ANKRD11: variants seen among roughly 807,000 people sequenced by gnomAD.
ANKRD11 encodes ankyrin repeat domain-containing protein 11.
ANKRD11 carries 17 observed loss-of-function variants against 195.7 expected under a neutral mutation model. The observed-to-expected ratio is 0.09, with a 90% confidence interval of 0.06 to 0.13. The LOEUF is 0.13. Ranked by LOEUF, ANKRD11 falls within the 10% of genes least tolerant of loss-of-function variation. The probability of loss-of-function intolerance (pLI) is 1.00; values close to 1 mark genes in which losing one functional copy is unlikely to be tolerated. For missense variants in ANKRD11, 3,735 were observed against 3,566.1 expected (o/e 1.05, Z -1.21); for synonymous variants, 1,953 against 1,528.1 (o/e 1.28, Z -6.49).
Position 89,325,604 on chromosome 16 carries a change from G to A in ANKRD11, c.-59-8526C>T, listed in dbSNP as rs992823535. Among the ~76,000 whole-genome samples the A allele has an allele frequency of 8.5e-5, 13 of 152,368 alleles. No homozygotes were observed. The East Asian group carries it at 1.2e-3, about 14-fold the overall frequency. On this transcript the variant is annotated intron_variant, in intron 2 of 12. Transcript: ENST00000301030. ...TTAGTTGACAAGACATCCGCGAAGC[G>A]TGGAAAATGGCTGCCTGGCGGATGG... is the stretch of plus-strand genomic sequence containing the variant.
chr16:89,279,878 C>T lies in ANKRD11; in HGVS notation c.6664G>A (p.Glu2222Lys). The change falls in exon 9 of 13, where the codon GAG becomes AAG. Residue 2222 changes from glutamate to lysine, a missense_variant. Glu to Lys is a moderately conservative substitution (Grantham distance 56). Transcript: ENST00000301030. This position sits in a 1 kb window ranked among gnomAD's most constrained non-coding sequence, Gnocchi z 5.6. ...CTCTCTTCCGGCACCGTCTCCGCCT[C>T]CACCGCAGCTTCTAGAGCCACGTCC... is the stretch of plus-strand genomic sequence containing the variant. Reference protein sequence around the residue: ...KLDVALEAAVEAETVPEERAR... With the variant: ...KLDVALEAAVKAETVPEERAR... 3 of 1,587,624 alleles carry T rather than the reference C, an allele frequency of 1.9e-6. No individual in the cohort carries two copies. Among genetic ancestry groups the T allele is most frequent in the Non-Finnish European group, 2.6e-6 (3 of 1,168,492 alleles).
rs538412983 is a variant in ANKRD11 at position 89,285,324 on chromosome 16, G to A, written c.1218C>T (p.Ile406=). 2 of 1,614,000 alleles carry A rather than the reference G, an allele frequency of 1.2e-6. No homozygotes were observed. Among genetic ancestry groups the A allele is most frequent in the Non-Finnish European group, 1.7e-6 (2 of 1,180,044 alleles). ...CCTCCTCGTCCGACGTGTCTGACAG[G>A]ATACGATGGGACGCTTTCTTTGGTG... The part of the protein sequence containing the change: ...TIAPKKASHR[I]LSDTSDEEDA... The change falls in exon 9 of 13, where the codon ATC becomes ATT. Residue 406 remains isoleucine, a synonymous_variant. Coordinates refer to ENST00000301030, the MANE Select transcript of ANKRD11 (RefSeq NM_013275.6). The surrounding 1 kb of genome is among the most constrained non-coding windows in gnomAD (Gnocchi z 5.6).
At chr16:89,428,680 A>G (rs1293642901) in intron 1 of ANKRD11, among the ~76,000 whole-genome samples, 2 of 150,950 alleles carry the variant, frequency 1.3e-5, no homozygotes, top group East Asian at 2.0e-4. Context: ...TGGATCACGA[A>G]GTCAGGAGTT....
chr16:89,415,839 A>AAAAAAAAAAAAAAAAAAC (rs1567774118), intron 2 of ANKRD11, among the ~76,000 whole-genome samples: 5 of 143,810 alleles, frequency 3.5e-5, no homozygotes, highest in Admixed American at 7.1e-5. Context: ...CAAAAAAAAA[A>AAAAAAAAAAAAAAAAAAC]AAAAAAAAAA....
Position 89,282,856 on chromosome 16 carries a change from G to A in ANKRD11, c.3686C>T (p.Thr1229Met), listed in dbSNP as rs775494693. 1.7e-5 allele frequency: 27 copies of A among 1,612,122 alleles called. No homozygotes were observed. In the Admixed American group the frequency reaches 2.5e-4, roughly 15 times the overall value. The change falls in exon 9 of 13, where the codon ACG (threonine) becomes ATG (methionine). Residue 1229 changes from threonine (T) to methionine (M), a missense_variant. Transcript: ENST00000301030. ...CTTCTGTTTATTTTTCTTATCTTGC[G>A]TGGAGTCCACTGAGGCTCTGTCCTT... is the stretch of plus-strand genomic sequence containing the variant. ...DRKDRASVDS[T>M]QDKKNKQKLP...
intron 2 of ANKRD11, among the ~76,000 whole-genome samples, chr16:89,345,123 T>A (rs2152009482): frequency 6.6e-6 from 1 of 151,908 alleles, no homozygotes; most frequent in East Asian, 1.9e-4. Flanking sequence ...CACTAAAATC[T>A]GGGAGCATCC....
intron 4 of ANKRD11, chr16:89,300,716 A>C: frequency 1.9e-6 from 1 of 539,050 alleles, no homozygotes. Flanking sequence ...ACGTCAGGAA[A>C]AGACTGAAGG....
At chr16:89,448,712 G>T (rs74033796) in intron 1 of ANKRD11, among the ~76,000 whole-genome samples, 4,181 of 152,196 alleles carry the variant, frequency 0.027, 199 homozygotes, top group African/African-American at 0.093. Flanking sequence ...TGCTTCTGAG[G>T]CCTTACAGTA....
At chr16:89,346,659 G>C (rs949012478) in intron 2 of ANKRD11, among the ~76,000 whole-genome samples, 2 of 152,174 alleles carry the variant, frequency 1.3e-5, no homozygotes, top group Non-Finnish European at 2.9e-5. Context: ...AGGGAAACCA[G>C]AGTAGGAATT....
chr16:89,343,342 T>A (rs376187906), intron 2 of ANKRD11, among the ~76,000 whole-genome samples: 2 of 152,278 alleles, frequency 1.3e-5, no homozygotes, highest in South Asian at 2.1e-4. Flanking sequence ...AACAGAAAAA[T>A]TGACATTTAG....
At chr16:89,472,350 T>C (rs908411456) in intron 1 of ANKRD11, among the ~76,000 whole-genome samples, 8 of 151,492 alleles carry the variant, frequency 5.3e-5, no homozygotes, top group African/African-American at 1.9e-4. Context: ...AGGTGCAATA[T>C]CAGGAGATCT....
chr16:89,328,472 G>A (rs978254833), intron 2 of ANKRD11, among the ~76,000 whole-genome samples: 2 of 152,248 alleles, frequency 1.3e-5, no homozygotes, highest in African/African-American at 4.8e-5. Flanking sequence ...CCTCGAAACT[G>A]GGTTTCATTC....
chr16:89,427,399 G>A (rs949082944), intron 1 of ANKRD11, among the ~76,000 whole-genome samples: 29 of 152,282 alleles, frequency 1.9e-4, no homozygotes, highest in Admixed American at 1.8e-3. Flanking sequence ...TTTTTCAAAA[G>A]TGATCCAAAA....
At chr16:89,342,203 C>A (rs771109961) in intron 2 of ANKRD11, among the ~76,000 whole-genome samples, 19 of 152,244 alleles carry the variant, frequency 1.2e-4, no homozygotes, top group Non-Finnish European at 8.8e-5. Flanking sequence ...AGGTAGGTCT[C>A]CACCATGAGA....
At chr16:89,389,513 C>T (rs987784401) in intron 2 of ANKRD11, among the ~76,000 whole-genome samples, 2 of 152,042 alleles carry the variant, frequency 1.3e-5, no homozygotes, top group African/African-American at 2.4e-5. Flanking sequence ...TTCCTCCCCA[C>T]GGTCAAAAAC....
chr16:89,375,055 A>G (rs973727601), intron 2 of ANKRD11, among the ~76,000 whole-genome samples: 3 of 152,160 alleles, frequency 2.0e-5, no homozygotes, highest in African/African-American at 7.2e-5. Flanking sequence ...CAGACTGTAC[A>G]TGGCATCGTT....
Position 89,282,389 on chromosome 16 carries a change from T to A in ANKRD11, c.4153A>T (p.Ser1385Cys), listed in dbSNP as rs2034331563. 6.2e-7 allele frequency: 1 copy of A among 1,614,120 alleles called. No individual in the cohort carries two copies. The highest frequency in any genetic ancestry group is 1.7e-5 in the Admixed American group (1 of 60,014). ...TCGTACTGGCCGGAGTCCTTCCTGC[T>A]ACCGCCCTCCTTGTAATCTTCGCCC... ...EKGEDYKEGG[S>C]RKDSGQYEKD... Residue 1385 changes from serine (S) to cysteine (C), a missense_variant, in exon 9 of 13, where the codon AGC (serine) becomes TGC (cysteine). Transcript: ENST00000301030.
chr16:89,486,521 T>C (rs1402955582), intron 1 of ANKRD11, among the ~76,000 whole-genome samples: 4 of 151,316 alleles, frequency 2.6e-5, no homozygotes, highest in Admixed American at 2.6e-4. Context: ...GGAGTTATCT[T>C]GGAGTTTGGG....
chr16:89,387,416 T>C (rs913980869), intron 2 of ANKRD11, among the ~76,000 whole-genome samples: 1 of 151,912 alleles, frequency 6.6e-6, no homozygotes, highest in Non-Finnish European at 1.5e-5. Context: ...CTCACTCCTG[T>C]AATCCCAGCA....
Sources: gnomAD v4.1 joint callset for allele counts (sites outside exome capture counted in the v4.1 genomes callset) on GRCh38, gnomAD v4.1.1 for gene constraint, Gnocchi (gnomAD v3.1) non-coding constraint, MANE v1.5 for transcripts, NCBI Gene and HGNC (gene_info 2026-07-23, HGNC 2026-07-21) for gene names.